Variants in NCAPD2 observed in about 807,000 individuals in gnomAD.
NCAPD2 encodes non-SMC condensin I complex subunit D2, also known as condensin complex subunit 1.
Under a neutral mutation model 164.5 loss-of-function variants are expected in NCAPD2, and 100 were observed. The ratio of observed to expected loss-of-function variants is 0.61; its 90% confidence interval spans 0.52 to 0.72. The LOEUF (loss-of-function observed/expected upper bound fraction) is 0.72. Ranked by LOEUF, NCAPD2 falls within the 30% of genes least tolerant of loss-of-function variation. The probability of loss-of-function intolerance (pLI) is 0.00; values close to 1 mark genes in which losing one functional copy is unlikely to be tolerated. For synonymous variants in NCAPD2, 585 were observed against 642.6 expected (o/e 0.91, Z 1.36); for missense variants, 1,560 against 1,749.2 (o/e 0.89, Z 1.93).
In NCAPD2 at chr12:6,514,882, T is replaced by C. The variant is rs750396738; in HGVS notation, c.949T>C (p.Ser317Pro). 6.2e-7 allele frequency: 1 copy of C among 1,614,200 alleles called. No homozygotes were observed. Among genetic ancestry groups the C allele is most frequent in the Non-Finnish European group, 8.5e-7 (1 of 1,180,030 alleles). Residue 317 changes from serine (S) to proline (P), a missense_variant, in exon 9 of 32, where the codon TCC becomes CCC. Coordinates refer to ENST00000315579, the MANE Select transcript of NCAPD2 (RefSeq NM_014865.4). Reference sequence around the variant, plus strand: ...AGAACGTGTCCCAGCTATCCTGATGTCCAGCATGTGCATTTTGCTAGATCA... The same window carrying C: ...AGAACGTGTCCCAGCTATCCTGATGCCCAGCATGTGCATTTTGCTAGATCA... Reference protein sequence around the residue: ...LAERVPAILMSSMCILLDHLD... With the variant: ...LAERVPAILMPSMCILLDHLD...
chr12:6,529,002 C>G lies in NCAPD2; in HGVS notation c.3535C>G (p.Leu1179Val). The change falls in exon 27 of 32, where the codon CTG becomes GTG. Residue 1179 changes from leucine (L) to valine (V), a missense_variant. Coordinates refer to ENST00000315579, the MANE Select transcript of NCAPD2 (RefSeq NM_014865.4). ...DIISRLSDPE[L>V]GVEEEPFHTI... ...CATCAGCCGCCTGTCAGACCCCGAG[C>G]TGGGGGTGGAGGAAGAGCCTTTCCA... 6.2e-7 allele frequency: 1 copy of G among 1,613,404 alleles called. No homozygotes were observed. Among genetic ancestry groups the G allele is most frequent in the Non-Finnish European group, 8.5e-7 (1 of 1,180,022 alleles).
Position 6,529,805 on chromosome 12 carries a change from C to G in NCAPD2, c.3684C>G (p.Tyr1228Ter). 6.2e-7 allele frequency: 1 copy of G among 1,614,024 alleles called. No homozygotes were observed. Among genetic ancestry groups the G allele is most frequent in the Non-Finnish European group, 8.5e-7 (1 of 1,179,882 alleles). ...AGCGGCAGCAGCGAGACCTGGCCTA[C>G]TGTGTGTCACAGCTGCCCCTCACAG... is the stretch of plus-strand genomic sequence containing the variant. ...RTERQQRDLA[Y>*]CVSQLPLTER... Residue 1228 changes from tyrosine to a stop codon, truncating the protein, a stop_gained, in exon 29 of 32, where the codon TAC becomes TAG. Coordinates refer to ENST00000315579, the MANE Select transcript of NCAPD2 (RefSeq NM_014865.4). LOFTEE classifies it high-confidence loss of function.
intron 13 of NCAPD2, among the ~76,000 whole-genome samples, chr12:6,518,631 G>A (rs973515679): frequency 6.5e-5 from 9 of 138,990 alleles, no homozygotes; most frequent in African/African-American, 2.1e-4. Context: ...AGCAATTCTC[G>A]TGCCTCAGCC....
chr12:6,513,713 G>GTTTTTTTTTTTTTTTTTTTTTTTTTT (rs1303520172), intron 6 of NCAPD2, among the ~76,000 whole-genome samples: 1 of 50,122 alleles, frequency 2.0e-5, no homozygotes, highest in Non-Finnish European at 3.9e-5. Context: ...TGGTGACTTT[G>GTTTTTTTTTTTTTTTTTTTTTTTTTT]TCTTTTTTTT....
At chr12:6,525,556 C>T (rs1053374317) in intron 17 of NCAPD2, 27 bp from the exon 18 acceptor site, 2 of 1,583,970 alleles carry the variant, frequency 1.3e-6, no homozygotes, top group East Asian at 2.3e-5. Flanking sequence ...TCATTTTTGG[C>T]TTGAGCCCTT....
rs368743000 is a variant in NCAPD2, at chr12:6,527,055, A to C, written c.2899A>C (p.Lys967Gln). The C allele has an allele frequency of 1.4e-5, 22 of 1,611,202 alleles. 1 individual carries two copies. The South Asian group carries it at 2.2e-4, about 16-fold the overall frequency. ...EEQEHKTKDP[K>Q]EKNTSSETTM... ...ACAGGAGCACAAGACCAAAGATCCC[A>C]AGGAGAAGGTGTGTGAATGTCCTCA... Residue 967 changes from lysine to glutamine, a missense_variant, in exon 22 of 32, where the codon AAG becomes CAG. By Grantham distance (53) the Lys-to-Gln change is moderately conservative. Transcript: ENST00000315579.
chr12:6,504,796 A>AT (rs1946083692), intron 2 of NCAPD2, among the ~76,000 whole-genome samples: 1 of 152,150 alleles, frequency 6.6e-6, no homozygotes, highest in Non-Finnish European at 1.5e-5. Context: ...CATGTTCAGT[A>AT]TTGTGCTGTA....
In NCAPD2 at chr12:6,526,313, C is replaced by A. The variant is rs200431803; in HGVS notation, c.2508C>A (p.Pro836=). The change falls in exon 20 of 32, where the codon CCC becomes CCA. Residue 836 remains proline, a synonymous_variant. Transcript: ENST00000315579. ...RKPSLGKRHP[P]FRLPQEHRLF... ...CTTCTCTGGGCAAACGTCACCCCCCCTTCCGGCTGCCTCAGGAACACAGGT... is the reference window on the plus strand; with the variant it reads ...CTTCTCTGGGCAAACGTCACCCCCCATTCCGGCTGCCTCAGGAACACAGGT... The A allele has an allele frequency of 9.3e-6, 15 of 1,614,224 alleles. No homozygotes were observed. Among genetic ancestry groups the A allele is most frequent in the Non-Finnish European group, 1.3e-5 (15 of 1,180,044 alleles).
In NCAPD2 at chr12:6,529,607, C is replaced by A. The variant is rs1565548020; in HGVS notation, c.3653+14C>A. 6.2e-7 allele frequency: 1 copy of A among 1,613,940 alleles called. No homozygotes were observed. The highest frequency in any genetic ancestry group is 1.7e-5 in the Admixed American group (1 of 60,034). On this transcript the variant is annotated intron_variant, in intron 28 of 31. Transcript: ENST00000315579. The stretch of plus-strand genomic sequence containing the variant: ...CCGCACATCCCGGTATGCTGCCCTC[C>A]CTGAGGGTTCTTTGTGCTGAGCGGG...
At position 6,510,084 on chromosome 12, in the gene NCAPD2, AAGTATAGATCC is replaced by A. The variant is rs1294087445; in HGVS notation, c.214_224del (p.Ser72TrpfsTer27). 1.2e-6 allele frequency: 2 copies of A among 1,613,074 alleles called. No homozygotes were observed. Among genetic ancestry groups the A allele is most frequent in the South Asian group, 1.1e-5 (1 of 91,056 alleles). On this transcript the variant is annotated frameshift_variant, in exon 4 of 32. Transcript: ENST00000315579. LOFTEE classifies it high-confidence loss of function. ...TTTCTTTCCCTCATAGTCACTTTCG[AAGTATAGATCC>A]TGGCCTCAAAGAAGATACTCTGCAA...
chr12:6,518,925 G>A (rs901347994), intron 13 of NCAPD2, among the ~76,000 whole-genome samples: 9 of 151,458 alleles, frequency 5.9e-5, no homozygotes, highest in Non-Finnish European at 1.0e-4. Flanking sequence ...TTGCTCTGTT[G>A]CCCAGGCTGG....
At chr12:6,508,613 C>T (rs1946118043) in intron 2 of NCAPD2, among the ~76,000 whole-genome samples, 1 of 152,132 alleles carries the variant, frequency 6.6e-6, no homozygotes, top group African/African-American at 2.4e-5. Context: ...AACACCACAG[C>T]AGTAATTGTG....
At chr12:6,527,187 G>T in intron 22 of NCAPD2, 124 bp downstream of exon 22, 1 of 1,050,118 alleles carries the variant, frequency 9.5e-7, no homozygotes, top group Non-Finnish European at 1.3e-6. Flanking sequence ...CTGCCTCTCT[G>T]TGGCTACTAC....
At chr12:6,524,515 G>T (rs1168957929) in intron 17 of NCAPD2, among the ~76,000 whole-genome samples, 2 of 151,936 alleles carry the variant, frequency 1.3e-5, no homozygotes, top group Non-Finnish European at 2.9e-5. Context: ...CAGGTGTGGT[G>T]GTGGGCACCT....
chr12:6,512,322 A>G (rs866382845), intron 6 of NCAPD2, among the ~76,000 whole-genome samples: 17 of 141,152 alleles, frequency 1.2e-4, no homozygotes, highest in South Asian at 4.2e-4. Flanking sequence ...CAGACAGACA[A>G]ACAGACAGAC....
chr12:6,521,240 A>C, intron 14 of NCAPD2, 130 bp downstream of exon 14: 1 of 1,162,970 alleles, frequency 8.6e-7, no homozygotes, highest in Non-Finnish European at 1.2e-6. Context: ...AATTGGCATT[A>C]CTTTTGCTCT....
chr12:6,502,345 A>G (rs12321705), intron 2 of NCAPD2, among the ~76,000 whole-genome samples: 2,373 of 152,282 alleles, frequency 0.016, 61 homozygotes, highest in African/African-American at 0.055. Flanking sequence ...TTTAACTGAG[A>G]GTGAGTTTGG....
intron 4 of NCAPD2, 118 bp from the exon 5 acceptor site, chr12:6,510,511 C>A: frequency 8.4e-7 from 1 of 1,187,968 alleles, no homozygotes; most frequent in Non-Finnish European, 1.3e-6. Context: ...GTGTTATGGC[C>A]ACTGAGAGAT....
intron 2 of NCAPD2, among the ~76,000 whole-genome samples, chr12:6,497,599 T>A (rs752471419): frequency 4.0e-5 from 6 of 151,050 alleles, no homozygotes; most frequent in Non-Finnish European, 8.8e-5. Flanking sequence ...GCAAAGGACA[T>A]GATCTTGTTC....
Sources: allele counts gnomAD v4.1 joint callset (sites outside exome capture counted in the v4.1 genomes callset), GRCh38; gene constraint gnomAD v4.1.1; transcripts MANE v1.5; gene names NCBI Gene and HGNC (gene_info 2026-07-23, HGNC 2026-07-21).